Variants in CA10 observed in about 807,000 individuals in gnomAD.
The protein encoded by CA10 is carbonic anhydrase-related protein 10.
Under a neutral mutation model 44.2 loss-of-function variants are expected in CA10, and 14 were observed. The ratio of observed to expected loss-of-function variants is 0.32; its 90% confidence interval spans 0.21 to 0.50. The LOEUF (loss-of-function observed/expected upper bound fraction) is 0.50. CA10 is among the 20% of genes least tolerant of loss of function. The probability of loss-of-function intolerance (pLI) is 0.99; values close to 1 mark genes in which losing one functional copy is unlikely to be tolerated. For missense variants in CA10, 350 were observed against 409.7 expected (o/e 0.85, Z 1.26); for synonymous variants, 159 against 141.6 (o/e 1.12, Z -0.87).
At chr17:51,765,691 C>CTGTG (rs61631215) in intron 3 of CA10, among the ~76,000 whole-genome samples, 7,374 of 140,184 alleles carry the variant, frequency 0.053, 280 homozygotes, top group Admixed American at 0.11. Flanking sequence ...AGGCAGCTCC[C>CTGTG]TGTGTGTGTG....
intron 3 of CA10, among the ~76,000 whole-genome samples, chr17:51,917,380 G>A (rs556351436): frequency 6.6e-6 from 1 of 152,344 alleles, no homozygotes; most frequent in African/African-American, 2.4e-5. Context: ...TAGACCCTAG[G>A]AGTGCATGGC....
At chr17:51,831,696 G>GCATCAGCAT (rs1555604055) in intron 3 of CA10, among the ~76,000 whole-genome samples, 1 of 87,052 alleles carries the variant, frequency 1.1e-5, no homozygotes, top group African/African-American at 3.5e-5. Context: ...AGCAGCAGCA[G>GCATCAGCAT]CAGCAGCAGC....
At chr17:52,080,546 A>G (rs553182610) in intron 1 of CA10, among the ~76,000 whole-genome samples, 73 of 152,040 alleles carry the variant, frequency 4.8e-4, no homozygotes, top group African/African-American at 1.7e-3. Context: ...AGACTTGAAA[A>G]TCATCAGGAG....
At chr17:52,157,450 C>A (rs953237554) in intron 1 of CA10, among the ~76,000 whole-genome samples, 2 of 151,806 alleles carry the variant, frequency 1.3e-5, no homozygotes, top group African/African-American at 4.8e-5. Flanking sequence ...AGTTGAAAAT[C>A]AACACCCATC....
chr17:51,706,202 C>T (rs1915758766), intron 4 of CA10, among the ~76,000 whole-genome samples: 1 of 152,158 alleles, frequency 6.6e-6, no homozygotes, highest in African/African-American at 2.4e-5. Flanking sequence ...TAACACAAGG[C>T]CTGGCCTACA....
intron 3 of CA10, among the ~76,000 whole-genome samples, chr17:51,813,818 T>G (rs1344350938): frequency 2.6e-5 from 4 of 152,088 alleles, no homozygotes; most frequent in African/African-American, 9.7e-5. Context: ...AATTCCTACT[T>G]TGTAGATAGG....
intron 4 of CA10, among the ~76,000 whole-genome samples, chr17:51,714,306 C>T (rs769275696): frequency 2.6e-5 from 4 of 152,138 alleles, no homozygotes; most frequent in African/African-American, 9.7e-5. Context: ...AACTGAGTTC[C>T]GTCATTTGCA....
intron 6 of CA10, among the ~76,000 whole-genome samples, chr17:51,639,945 G>T: frequency 6.6e-6 from 1 of 152,328 alleles, no homozygotes; most frequent in Middle Eastern, 3.4e-3. Context: ...CTAGCATAAG[G>T]TGTGGTCCAG....
At chr17:51,838,345 C>T (rs574431484) in intron 3 of CA10, among the ~76,000 whole-genome samples, 30 of 152,326 alleles carry the variant, frequency 2.0e-4, no homozygotes, top group Non-Finnish European at 4.3e-4. Context: ...TGGCATATTT[C>T]ATATTTCTAT....
At chr17:51,647,422 CCCTTTCTTCCTTTCCTCCCTT>C (rs746162271) in intron 6 of CA10, among the ~76,000 whole-genome samples, 99 of 152,200 alleles carry the variant, frequency 6.5e-4, no homozygotes, top group Non-Finnish European at 1.1e-3. Context: ...TTCCCTCCCT[CCCTTTCTTCCTTTCCTCCCTT>C]CCATCTGTCT....
At chr17:52,061,480 G>GCTAC in intron 2 of CA10, among the ~76,000 whole-genome samples, 1 of 152,280 alleles carries the variant, frequency 6.6e-6, no homozygotes, top group East Asian at 1.9e-4. Context: ...TAACTTTAGG[G>GCTAC]TAATTTGTTA....
chr17:51,692,352 A>ACC (rs1915227405), intron 4 of CA10, among the ~76,000 whole-genome samples: 1 of 148,012 alleles, frequency 6.8e-6, no homozygotes, highest in Non-Finnish European at 1.5e-5. Flanking sequence ...CTACCTACCT[A>ACC]TCTACCTATC....
intron 3 of CA10, among the ~76,000 whole-genome samples, chr17:51,807,037 G>A (rs532149031): frequency 1.2e-4 from 19 of 152,334 alleles, no homozygotes; most frequent in African/African-American, 4.6e-4. Context: ...AGAAAACCAA[G>A]GCAGATTAAA....
chr17:51,974,370 G>C (rs1000706428), intron 2 of CA10, among the ~76,000 whole-genome samples: 2 of 139,664 alleles, frequency 1.4e-5, no homozygotes, highest in African/African-American at 5.3e-5. Flanking sequence ...GCAACAGAGT[G>C]AGACTCCATC....
At chr17:51,680,635 G>A (rs995170101) in intron 4 of CA10, among the ~76,000 whole-genome samples, 3 of 152,192 alleles carry the variant, frequency 2.0e-5, no homozygotes, top group Non-Finnish European at 4.4e-5. Context: ...GACATCTCCT[G>A]ATACTTACTC....
intron 2 of CA10, among the ~76,000 whole-genome samples, chr17:52,065,930 G>A (rs1257839473): frequency 2.6e-5 from 4 of 152,158 alleles, no homozygotes; most frequent in Non-Finnish European, 5.9e-5. Flanking sequence ...CAGTTCTCTT[G>A]ACAGTGAGTG....
chr17:51,839,316 C>A (rs1246110477), intron 3 of CA10, among the ~76,000 whole-genome samples: 1 of 151,822 alleles, frequency 6.6e-6, no homozygotes, highest in Non-Finnish European at 1.5e-5. Flanking sequence ...CACGGTGAAA[C>A]CCCGTCTCTA....
intron 1 of CA10, among the ~76,000 whole-genome samples, chr17:52,156,728 G>A (rs893305959): frequency 6.6e-6 from 1 of 152,164 alleles, no homozygotes; most frequent in African/African-American, 2.4e-5. Flanking sequence ...GAAGTTGGCC[G>A]AGTCCCCACT....
rs531073327 is a variant in CA10 at position 51,723,960 on chromosome 17, C to T, written c.465+23673G>A. ...GGGCACCTGCGAGAGAAGCCAAGGG[C>T]TCTGACATCCCTTGCCCTGGGTTCT... is the stretch of plus-strand genomic sequence containing the variant. On this transcript the variant is annotated intron_variant, in intron 4 of 8. Transcript: ENST00000451037. Among the ~76,000 whole-genome samples, 6 of 152,278 alleles carry T rather than the reference C, an allele frequency of 3.9e-5. No homozygotes were observed. In the East Asian group the frequency reaches 7.7e-4, roughly 20 times the overall value.
Sources: gnomAD v4.1 joint callset for allele counts (sites outside exome capture counted in the v4.1 genomes callset) on GRCh38, gnomAD v4.1.1 for gene constraint, MANE v1.5 for transcripts, NCBI Gene and HGNC (gene_info 2026-07-23, HGNC 2026-07-21) for gene names.